The following KBTBD3 variants were observed in gnomAD, a reference collection of about 807,000 sequenced individuals.
KBTBD3 encodes kelch repeat and BTB domain containing 3, also known as kelch repeat and BTB domain-containing protein 3.
In KBTBD3, 38 loss-of-function variants were observed where a neutral mutation model predicts 49.6. The observed-to-expected ratio is 0.77, with a 90% confidence interval of 0.59 to 1.00. The LOEUF (loss-of-function observed/expected upper bound fraction) is 1.00. Ranked by LOEUF, KBTBD3 falls within the 50% of genes least tolerant of loss-of-function variation. KBTBD3 has a pLI of 0.00. For synonymous variants in KBTBD3, 214 were observed against 250.4 expected (o/e 0.85, Z 1.37); for missense variants, 661 against 712.0 (o/e 0.93, Z 0.81).
intron 3 of KBTBD3, 45 bp downstream of exon 3, chr11:106,058,820 A>T: frequency 9.0e-7 from 1 of 1,111,124 alleles, no homozygotes; most frequent in Non-Finnish European, 1.3e-6. Context: ...AATAGAACTT[A>T]ATTATCCAAA....
In KBTBD3 at chr11:106,051,128, A is replaced by C. The variant is rs1050902666; in HGVS notation, c.*1722T>G. 6.6e-6 allele frequency: 1 copy of C among 151,980 alleles called. No individual in the cohort carries two copies. The highest frequency in any genetic ancestry group is 2.4e-5 in the African/African-American group (1 of 41,444). 9.4% of individuals were successfully genotyped at this position (151,980 alleles called of 1,614,324 possible). A position where few individuals can be genotyped will look rare whatever the true frequency, so the allele number is the denominator to read the frequency against. ...GATGAAAACAATATTTATTTTAAAC[A>C]TACTCTATTAATATATATCCTTAAA... On this transcript the variant is annotated 3_prime_UTR_variant, in exon 4 of 4. Transcript: ENST00000531837.
chr11:106,063,418 C>T (rs1227432573), intron 2 of KBTBD3, among the ~76,000 whole-genome samples: 1 of 152,186 alleles, frequency 6.6e-6, no homozygotes, highest in Non-Finnish European at 1.5e-5. Flanking sequence ...TTGTTCTTTG[C>T]TCAAACTCCG....
intron 2 of KBTBD3, among the ~76,000 whole-genome samples, chr11:106,070,419 T>A (rs1860895921): frequency 6.6e-6 from 1 of 151,792 alleles, no homozygotes; most frequent in African/African-American, 2.4e-5. Flanking sequence ...CAATTCAATT[T>A]AAAAAATGCG....
At chr11:106,070,492 A>C (rs1392434468) in intron 2 of KBTBD3, among the ~76,000 whole-genome samples, 1 of 152,122 alleles carries the variant, frequency 6.6e-6, no homozygotes, top group Admixed American at 6.5e-5. Context: ...GCACATGAAA[A>C]GATGTTCAAC....
intron 2 of KBTBD3, among the ~76,000 whole-genome samples, chr11:106,060,977 G>T (rs1208982102): frequency 6.6e-6 from 1 of 152,116 alleles, no homozygotes; most frequent in Non-Finnish European, 1.5e-5. Flanking sequence ...CAAAAAGTGG[G>T]CAAAGAATAT....
rs750305837 is a variant in KBTBD3, at chr11:106,054,421, C to T, written c.268G>A (p.Asp90Asn). ...AAATTAGTAATGGTAACACTTCCAT[C>T]ATCTCTTTCTTTCATGTTTACTTCA... ...MFEVNMKERD[D>N]GSVTITNLSS... Residue 90 changes from aspartate to asparagine, a missense_variant, in exon 4 of 4, where the codon GAT becomes AAT. Coordinates refer to ENST00000531837, the MANE Select transcript of KBTBD3 (RefSeq NM_198439.3). 7 of 1,573,900 alleles carry T rather than the reference C, an allele frequency of 4.4e-6. No homozygotes were observed. In the Admixed American group the frequency reaches 1.1e-4, roughly 24 times the overall value.
intron 2 of KBTBD3, among the ~76,000 whole-genome samples, chr11:106,069,000 A>T (rs1471474728): frequency 6.6e-6 from 1 of 152,098 alleles, no homozygotes; most frequent in Admixed American, 6.6e-5. Context: ...AAAATACAAC[A>T]CCCAGTTATG....
chr11:106,074,815 T>A (rs995846062), intron 2 of KBTBD3, among the ~76,000 whole-genome samples: 3 of 151,992 alleles, frequency 2.0e-5, no homozygotes, highest in African/African-American at 7.3e-5. Flanking sequence ...CCAAAAACAC[T>A]TGGAGATGGA....
Position 106,072,004 on chromosome 11 carries a change from T to A in KBTBD3, c.-13+4503A>T, listed in dbSNP as rs954193819. Among the ~76,000 whole-genome samples the A allele has an allele frequency of 7.9e-5, 12 of 152,328 alleles. No individual in the cohort carries two copies. In the South Asian group the frequency reaches 2.5e-3, roughly 32 times the overall value. ...TATTCTTCAAATTCAATTATGCTAT[T>A]TCATTGATTTTAAGACACAAATTTT... On this transcript the variant is annotated intron_variant, in intron 2 of 3. Coordinates refer to ENST00000531837, the MANE Select transcript of KBTBD3 (RefSeq NM_198439.3).
chr11:106,064,406 A>C (rs539053410), intron 2 of KBTBD3, among the ~76,000 whole-genome samples: 1 of 151,840 alleles, frequency 6.6e-6, no homozygotes, highest in Non-Finnish European at 1.5e-5. Flanking sequence ...TTAGCCGGGC[A>C]TGATGGCAGC....
rs1006628966 is a variant in KBTBD3, at chr11:106,051,141, A to G, written c.*1709T>C. The G allele has an allele frequency of 1.3e-5, 2 of 151,940 alleles. No homozygotes were observed. Among genetic ancestry groups the G allele is most frequent in the African/African-American group, 4.8e-5 (2 of 41,420 alleles). 9.4% of individuals were successfully genotyped at this position (151,940 alleles called of 1,614,324 possible). A position where few individuals can be genotyped will look rare whatever the true frequency, so the allele number is the denominator to read the frequency against. ...TTTATTTTAAACATACTCTATTAAT[A>G]TATATCCTTAAATTAACAATTCAGT... On this transcript the variant is annotated 3_prime_UTR_variant, in exon 4 of 4. Coordinates refer to ENST00000531837, the MANE Select transcript of KBTBD3 (RefSeq NM_198439.3).
chr11:106,058,496 C>T (rs181902960), intron 3 of KBTBD3, among the ~76,000 whole-genome samples: 255 of 151,910 alleles, frequency 1.7e-3, no homozygotes, highest in Non-Finnish European at 2.9e-3. Flanking sequence ...GCGATCTCAG[C>T]TCACCCAACC....
chr11:106,077,050 G>A (rs1861045983), intron 1 of KBTBD3, among the ~76,000 whole-genome samples: 1 of 152,184 alleles, frequency 6.6e-6, no homozygotes, highest in South Asian at 2.1e-4. Flanking sequence ...GCTGCTAAGG[G>A]TCGGGAGCGT....
chr11:106,054,728 T>C (rs898479655), intron 3 of KBTBD3, among the ~76,000 whole-genome samples: 2 of 151,978 alleles, frequency 1.3e-5, no homozygotes, highest in African/African-American at 4.8e-5. Flanking sequence ...AAATTTTGTA[T>C]ACTTGTTTAT....
chr11:106,070,934 A>T (rs1256098128), intron 2 of KBTBD3, among the ~76,000 whole-genome samples: 1 of 152,130 alleles, frequency 6.6e-6, no homozygotes, highest in Non-Finnish European at 1.5e-5. Context: ...TCTACACGTG[A>T]GAAAATTACA....
rs762447599 is a variant in KBTBD3, at chr11:106,052,869, A to T, written c.1820T>A (p.Phe607Tyr). The T allele has an allele frequency of 2.7e-5, 43 of 1,611,076 alleles. No individual in the cohort carries two copies. Among genetic ancestry groups the T allele is most frequent in the Admixed American group, 3.4e-5 (2 of 59,612 alleles). The change falls in exon 4 of 4, where the codon TTT (phenylalanine) becomes TAT (tyrosine). Residue 607 changes from phenylalanine (F) to tyrosine (Y), a missense_variant. Physicochemically the swap from Phe to Tyr is conservative, Grantham distance 22. Transcript: ENST00000531837. ...IQFNKYRDPWFSNLCA is the reference protein window; with the variant it reads ...IQFNKYRDPWYSNLCA ...GAATGTTCAAGCACATAGATTAGAA[A>T]ACCATGGGTCTCTGTATTTATTAAA...
chr11:106,072,584 A>T (rs972235354), intron 2 of KBTBD3, among the ~76,000 whole-genome samples: 1 of 152,178 alleles, frequency 6.6e-6, no homozygotes, highest in Non-Finnish European at 1.5e-5. Flanking sequence ...AATTTGATTT[A>T]AAGAATTGAA....
Position 106,077,344 on chromosome 11 carries a change from G to C in KBTBD3, c.-246C>G, listed in dbSNP as rs914061190. On this transcript the variant is annotated 5_prime_UTR_variant, in exon 1 of 4. Coordinates refer to ENST00000531837, the MANE Select transcript of KBTBD3 (RefSeq NM_198439.3). ...TGCAGTCTCCGAAGTCTCCACCCCA[G>C]TCTCCCTGCCTCCAGAGGACTGGTT... is the stretch of plus-strand genomic sequence containing the variant. The C allele has an allele frequency of 2.6e-5, 6 of 226,766 alleles. No individual in the cohort carries two copies. The highest frequency in any genetic ancestry group is 5.4e-5 in the Non-Finnish European group (6 of 110,944). The allele number at this position is 226,766 out of a possible 1,614,324, so 14.0% of individuals were successfully genotyped here.
rs1860884515 is a variant in KBTBD3, at chr11:106,069,863, C to T, written c.-13+6644G>A. Among the ~76,000 whole-genome samples the T allele has an allele frequency of 2.0e-5, 3 of 151,954 alleles. No individual in the cohort carries two copies. In the South Asian group the frequency reaches 6.2e-4, roughly 31 times the overall value. On this transcript the variant is annotated intron_variant, in intron 2 of 3. Transcript: ENST00000531837. ...TCAGTCTACCTGATTTCAAGACTTA[C>T]TATAGCTATGGTAATCAATACTGTG...
Sources: gnomAD v4.1 joint callset for allele counts (sites outside exome capture counted in the v4.1 genomes callset) on GRCh38, gnomAD v4.1.1 for gene constraint, MANE v1.5 for transcripts, NCBI Gene and HGNC (gene_info 2026-07-23, HGNC 2026-07-21) for gene names.